Variants in CDH10 observed in about 807,000 individuals in gnomAD.
CDH10 encodes cadherin-10.
A neutral mutation model predicts 73.1 loss-of-function variants in CDH10; 30 were observed. The observed-to-expected ratio is 0.41, with a 90% confidence interval of 0.31 to 0.56. The LOEUF is 0.56. CDH10 is among the 20% of genes least tolerant of loss of function. CDH10 has a pLI of 0.27. For missense variants in CDH10, 815 were observed against 973.7 expected, an observed-to-expected ratio of 0.84 and a Z score of 2.17; for synonymous variants, 345 against 348.2, an observed-to-expected ratio of 0.99 and a Z score of 0.10.
chr5:24,521,574 T>G (rs1340580360), intron 5 of CDH10, among the ~76,000 whole-genome samples: 1 of 151,760 alleles, frequency 6.6e-6, no homozygotes, highest in African/African-American at 2.4e-5. Flanking sequence ...ATAGTGCCAT[T>G]GCACTCGAGC....
chr5:24,548,551 A>G (rs1264869558), intron 2 of CDH10, among the ~76,000 whole-genome samples: 2 of 145,420 alleles, frequency 1.4e-5, no homozygotes, highest in African/African-American at 5.2e-5. Context: ...GATGGGGTCC[A>G]ATGGTATTAT....
chr5:24,567,052 T>C (rs1745189307), intron 2 of CDH10, among the ~76,000 whole-genome samples: 2 of 152,086 alleles, frequency 1.3e-5, no homozygotes, highest in Admixed American at 1.3e-4. Context: ...AATAAACTGA[T>C]ATATACAAAT....
chr5:24,532,579 T>C (rs1328633961), intron 5 of CDH10, among the ~76,000 whole-genome samples: 1 of 152,122 alleles, frequency 6.6e-6, no homozygotes, highest in Non-Finnish European at 1.5e-5. Flanking sequence ...ACTACAAATG[T>C]AGTTTTTGAA....
chr5:24,493,404 A>G (rs1742136380), intron 9 of CDH10, among the ~76,000 whole-genome samples: 1 of 151,920 alleles, frequency 6.6e-6, no homozygotes, highest in African/African-American at 2.4e-5. Flanking sequence ...CTTGAGAGTA[A>G]AAGTTCAATT....
At chr5:24,517,787 T>C (rs1302199511) in intron 5 of CDH10, among the ~76,000 whole-genome samples, 1 of 152,096 alleles carries the variant, frequency 6.6e-6, no homozygotes, top group East Asian at 1.9e-4. Flanking sequence ...TTTCACAACA[T>C]TTATCTTTAT....
intron 2 of CDH10, among the ~76,000 whole-genome samples, chr5:24,561,755 A>T (rs1446009442): frequency 2.0e-5 from 3 of 152,188 alleles, no homozygotes; most frequent in Admixed American, 2.0e-4. Flanking sequence ...AGATCAGTTC[A>T]TCTCTAGGAA....
chr5:24,624,853 A>G (rs1042815074), intron 1 of CDH10, among the ~76,000 whole-genome samples: 1 of 152,180 alleles, frequency 6.6e-6, no homozygotes, highest in Non-Finnish European at 1.5e-5. Context: ...ACCTCAAAGA[A>G]ATACAATAGA....
intron 9 of CDH10, among the ~76,000 whole-genome samples, chr5:24,496,782 G>T (rs558167308): frequency 6.6e-5 from 10 of 152,274 alleles, no homozygotes; most frequent in African/African-American, 2.2e-4. Flanking sequence ...CTCTGAACAA[G>T]AATTTTATCA....
At chr5:24,617,685 T>C (rs1747171291) in intron 1 of CDH10, among the ~76,000 whole-genome samples, 1 of 152,222 alleles carries the variant, frequency 6.6e-6, no homozygotes, top group African/African-American at 2.4e-5. Flanking sequence ...TAATGGAAGA[T>C]GTAACAAAGG....
At chr5:24,539,553 C>T (rs985214110) in intron 2 of CDH10, among the ~76,000 whole-genome samples, 4 of 151,934 alleles carry the variant, frequency 2.6e-5, no homozygotes, top group African/African-American at 9.7e-5. Context: ...AACTACATTT[C>T]TGGATAAACT....
At chr5:24,599,217 T>C (rs571290546) in intron 1 of CDH10, among the ~76,000 whole-genome samples, 30 of 152,246 alleles carry the variant, frequency 2.0e-4, no homozygotes, top group African/African-American at 7.2e-4. Flanking sequence ...TGGAGAATGG[T>C]AGCAAGAATG....
chr5:24,602,402 T>A (rs760821056), intron 1 of CDH10, among the ~76,000 whole-genome samples: 5 of 152,138 alleles, frequency 3.3e-5, no homozygotes, highest in Non-Finnish European at 7.4e-5. Context: ...ATTCATTCAG[T>A]TTAATTGCAA....
intron 5 of CDH10, among the ~76,000 whole-genome samples, chr5:24,534,017 A>G (rs1743848731): frequency 6.6e-6 from 1 of 152,094 alleles, no homozygotes; most frequent in Admixed American, 6.6e-5. Context: ...ATTTAATTTG[A>G]ATCATGCACT....
At chr5:24,618,845 A>G (rs1236537499) in intron 1 of CDH10, among the ~76,000 whole-genome samples, 1 of 152,194 alleles carries the variant, frequency 6.6e-6, no homozygotes, top group African/African-American at 2.4e-5. Flanking sequence ...GTATTAAATG[A>G]CATATTAAGA....
At chr5:24,549,698 C>T (rs1285152810) in intron 2 of CDH10, among the ~76,000 whole-genome samples, 1 of 151,780 alleles carries the variant, frequency 6.6e-6, no homozygotes, top group African/African-American at 2.4e-5. Flanking sequence ...ATTATAGGCG[C>T]CTGCCACAAT....
At chr5:24,579,091 A>T (rs989131286) in intron 2 of CDH10, among the ~76,000 whole-genome samples, 7 of 152,054 alleles carry the variant, frequency 4.6e-5, no homozygotes, top group Admixed American at 1.3e-4. Context: ...AAACAGGTCA[A>T]TAGAGTTATA....
intron 5 of CDH10, among the ~76,000 whole-genome samples, chr5:24,532,276 T>A (rs73743624): frequency 0.01 from 1,530 of 152,154 alleles, 29 homozygotes; most frequent in African/African-American, 0.035. Context: ...ATAATGGTAA[T>A]AGAGCACTAG....
intron 2 of CDH10, among the ~76,000 whole-genome samples, chr5:24,558,773 C>T (rs371397877): frequency 5.0e-4 from 76 of 151,842 alleles, no homozygotes; most frequent in African/African-American, 1.6e-3. Flanking sequence ...GTTCAAGCAA[C>T]GTTTACAAAG....
chr5:24,585,389 T>C (rs1359288486), intron 2 of CDH10, among the ~76,000 whole-genome samples: 1 of 152,050 alleles, frequency 6.6e-6, no homozygotes, highest in African/African-American at 2.4e-5. Flanking sequence ...ATAGTCTCCT[T>C]CCCTCCACCA....
Sources: allele counts gnomAD v4.1 joint callset (sites outside exome capture counted in the v4.1 genomes callset), GRCh38; gene constraint gnomAD v4.1.1; transcripts MANE v1.5; gene names NCBI Gene and HGNC (gene_info 2026-07-23, HGNC 2026-07-21).